Variants in TMEM132C observed in about 807,000 individuals in gnomAD.
TMEM132C encodes the protein protein phosphatase 1, regulatory subunit 152.
A neutral mutation model predicts 61.4 loss-of-function variants in TMEM132C; 29 were observed. That is an observed-to-expected ratio of 0.47 (90% CI 0.35 to 0.64). The LOEUF is 0.64. TMEM132C is among the 30% of genes least tolerant of loss of function. The pLI is 0.00. For synonymous variants in TMEM132C, 656 were observed against 633.1 expected (o/e 1.04, Z -0.54); for missense variants, 1,408 against 1,476.9 (o/e 0.95, Z 0.76).
intron 1 of TMEM132C, among the ~76,000 whole-genome samples, chr12:128,384,716 A>G (rs1332967074): frequency 6.6e-6 from 1 of 152,192 alleles, no homozygotes; most frequent in Non-Finnish European, 1.5e-5. Flanking sequence ...TCATGCAGTG[A>G]GTGAATATTC....
chr12:128,292,971 T>C (rs1157407821), intron 1 of TMEM132C, among the ~76,000 whole-genome samples: 1 of 152,172 alleles, frequency 6.6e-6, no homozygotes, highest in Non-Finnish European at 1.5e-5. Flanking sequence ...TGTGTGTATA[T>C]GCAAGCACGA....
chr12:128,421,490 G>A (rs962791469), intron 2 of TMEM132C, among the ~76,000 whole-genome samples: 4 of 152,150 alleles, frequency 2.6e-5, no homozygotes, highest in African/African-American at 7.2e-5. Flanking sequence ...ATGGGTCTTC[G>A]CACAATGGTT....
intron 1 of TMEM132C, among the ~76,000 whole-genome samples, chr12:128,401,159 A>C (rs1875145653): frequency 6.6e-6 from 1 of 152,192 alleles, no homozygotes; most frequent in Admixed American, 6.5e-5. Context: ...ACATTTTTAA[A>C]GATTATGTAA....
chr12:128,537,691 G>A (rs888076032), intron 2 of TMEM132C, among the ~76,000 whole-genome samples: 1 of 152,140 alleles, frequency 6.6e-6, no homozygotes, highest in Admixed American at 6.6e-5. Flanking sequence ...CTGTGTTGAA[G>A]GAACAATGCC....
Position 128,420,459 on chromosome 12 carries a change from G to A in TMEM132C, c.974+4839G>A, listed in dbSNP as rs553347696. On this transcript the variant is annotated intron_variant, in intron 2 of 8. Transcript: ENST00000435159. The stretch of plus-strand genomic sequence containing the variant: ...GTGGCTGAAACAGAATGGAAGATTG[G>A]AGAGGTAGGGGGAGGCGAGCTCAGA... 2.6e-5 allele frequency among the ~76,000 whole-genome samples: 4 copies of A among 152,304 alleles called. No individual in the cohort carries two copies. In the South Asian group the frequency reaches 6.2e-4, roughly 24 times the overall value.
intron 5 of TMEM132C, among the ~76,000 whole-genome samples, chr12:128,681,760 T>A (rs2135641300): frequency 1.3e-5 from 2 of 151,068 alleles, no homozygotes; most frequent in African/African-American, 4.9e-5. Context: ...TTCAAGTGAT[T>A]CTCCTGCCTC....
At chr12:128,477,347 A>G (rs964491785) in intron 2 of TMEM132C, among the ~76,000 whole-genome samples, 13 of 152,214 alleles carry the variant, frequency 8.5e-5, no homozygotes, top group Non-Finnish European at 1.5e-5. Context: ...AAGAACAAGC[A>G]GAGGCCTTCC....
At chr12:128,315,170 G>T (rs569643913) in intron 1 of TMEM132C, among the ~76,000 whole-genome samples, 1 of 152,098 alleles carries the variant, frequency 6.6e-6, no homozygotes, top group Admixed American at 6.5e-5. Context: ...CCTTGGAGGG[G>T]ACATGCTCAG....
intron 4 of TMEM132C, among the ~76,000 whole-genome samples, chr12:128,662,663 C>A (rs1954403695): frequency 6.6e-6 from 1 of 152,228 alleles, no homozygotes. Context: ...AACACAACTA[C>A]CCGCTTCATG....
chr12:128,695,581 T>C (rs763779935), intron 6 of TMEM132C, among the ~76,000 whole-genome samples: 10 of 152,236 alleles, frequency 6.6e-5, no homozygotes, highest in Non-Finnish European at 1.3e-4. Context: ...ATGTGTCCAA[T>C]GCCTACTTAT....
In TMEM132C at chr12:128,311,413, G is replaced by A. The variant is rs140072431; in HGVS notation, c.85+43926G>A. On this transcript the variant is annotated intron_variant, in intron 1 of 8. Coordinates refer to ENST00000435159, the MANE Select transcript of TMEM132C (RefSeq NM_001136103.3). ...GAAGCCTTTTTCTCGTTGAGTGTAC[G>A]CCACAGGGGACTGATGCTGTGGCCC... Among the ~76,000 whole-genome samples the A allele has an allele frequency of 3.9e-4, 60 of 152,328 alleles. No homozygotes were observed. The East Asian group carries it at 5.4e-3, about 14-fold the overall frequency.
chr12:128,580,590 C>T (rs1216040357), intron 3 of TMEM132C, among the ~76,000 whole-genome samples: 1 of 152,158 alleles, frequency 6.6e-6, no homozygotes, highest in Non-Finnish European at 1.5e-5. Flanking sequence ...TTTTTCACTC[C>T]ATGCAGTGAT....
In TMEM132C at chr12:128,707,433, T is replaced by G. The variant is rs1005737340; in HGVS notation, c.*1138T>G. On this transcript the variant is annotated 3_prime_UTR_variant, in exon 9 of 9. Coordinates refer to ENST00000435159, the MANE Select transcript of TMEM132C (RefSeq NM_001136103.3). ...AAAACTGTTTGGAGGGTTTTTGAGT[T>G]GTTTTTCTTATGTTGTTGGGTGGGG... 6.6e-6 allele frequency: 1 copy of G among 152,242 alleles called. No homozygotes were observed. The highest frequency in any genetic ancestry group is 2.4e-5 in the African/African-American group (1 of 41,470). The allele number at this position is 152,242 out of a possible 1,614,324, so 9.4% of individuals were successfully genotyped here.
chr12:128,548,828 A>T (rs959972771), intron 3 of TMEM132C, among the ~76,000 whole-genome samples: 1 of 152,224 alleles, frequency 6.6e-6, no homozygotes, highest in Non-Finnish European at 1.5e-5. Context: ...ATAATATGGT[A>T]TCACAGTAAC....
chr12:128,334,745 G>A (rs1305827951), intron 1 of TMEM132C, among the ~76,000 whole-genome samples: 18 of 151,918 alleles, frequency 1.2e-4, no homozygotes, highest in Non-Finnish European at 1.5e-5. Context: ...ACAGGTGCCC[G>A]CCACCATGCC....
At chr12:128,485,490 T>C (rs1313850835) in intron 2 of TMEM132C, among the ~76,000 whole-genome samples, 1 of 152,168 alleles carries the variant, frequency 6.6e-6, no homozygotes, top group Admixed American at 6.5e-5. Context: ...CATTTAACTC[T>C]TAAGTGGTTC....
Position 128,558,509 on chromosome 12 carries a change from G to A in TMEM132C, c.1121+14406G>A, listed in dbSNP as rs548373014. 2.0e-5 allele frequency among the ~76,000 whole-genome samples: 3 copies of A among 152,302 alleles called. No homozygotes were observed. The East Asian group carries it at 5.8e-4, about 29-fold the overall frequency. ...CTTTGCCTTCCACCATGATCATGAG[G>A]CCTCCCCAACCATGCTGAACTGAGA... On this transcript the variant is annotated intron_variant, in intron 3 of 8. Transcript: ENST00000435159.
At chr12:128,418,890 C>A (rs1412514640) in intron 2 of TMEM132C, among the ~76,000 whole-genome samples, 1 of 152,176 alleles carries the variant, frequency 6.6e-6, no homozygotes, top group Non-Finnish European at 1.5e-5. Context: ...TCTGCTTCTC[C>A]TGTATTTTTT....
intron 1 of TMEM132C, among the ~76,000 whole-genome samples, chr12:128,361,424 A>G (rs1269966841): frequency 1.3e-5 from 2 of 152,186 alleles, no homozygotes; most frequent in African/African-American, 2.4e-5. Flanking sequence ...GCGGGCACCA[A>G]CGAGATCAGA....
Sources: gnomAD v4.1 joint callset for allele counts (sites outside exome capture counted in the v4.1 genomes callset) on GRCh38, gnomAD v4.1.1 for gene constraint, MANE v1.5 for transcripts, NCBI Gene and HGNC (gene_info 2026-07-23, HGNC 2026-07-21) for gene names.